The following BBS2 variants were observed in gnomAD, a reference collection of about 807,000 sequenced individuals.
The protein encoded by BBS2 is BBSome complex member BBS2.
BBS2 carries 62 observed loss-of-function variants against 83.0 expected under a neutral mutation model. That is an observed-to-expected ratio of 0.75 (90% CI 0.61 to 0.92). The LOEUF is 0.92. BBS2 is among the 40% of genes least tolerant of loss of function. BBS2 has a pLI of 0.00. For missense variants in BBS2, 784 were observed against 901.0 expected (o/e 0.87, Z 1.66); for synonymous variants, 303 against 326.1 (o/e 0.93, Z 0.76).
At chr16:56,519,650 G>A (rs1166000668) in intron 1 of BBS2, 96 bp downstream of exon 1, 1 of 977,194 alleles carries the variant, frequency 1.0e-6, no homozygotes, top group South Asian at 1.4e-5. Context: ...ACGGGCTGGG[G>A]GCGGGGTCGG....
Position 56,502,417 on chromosome 16 carries a change from T to A in BBS2, c.980A>T (p.Asn327Ile). The change falls in exon 9 of 17, where the codon AAC becomes ATC. Residue 327 changes from asparagine (N) to isoleucine (I), a missense_variant. Physicochemically the swap from Asn to Ile is moderately radical, Grantham distance 149. Coordinates refer to ENST00000245157, the MANE Select transcript of BBS2 (RefSeq NM_031885.5). ...CTGCTCTGCACTGGTGTCCATGAGG[T>A]TGCCCCTCATCTCAGCCGTGCCAGG... ...YLPGTAEMRG[N>I]LMDTSAEQDL... 1 of 1,614,154 alleles carries A rather than the reference T, an allele frequency of 6.2e-7. No homozygotes were observed. The highest frequency in any genetic ancestry group is 8.5e-7 in the Non-Finnish European group (1 of 1,180,026).
In BBS2 at chr16:56,485,672, T is replaced by C; in HGVS notation, c.1977A>G (p.Lys659=). 6.2e-7 allele frequency: 1 copy of C among 1,614,066 alleles called. No homozygotes were observed. The highest frequency in any genetic ancestry group is 2.2e-5 in the East Asian group (1 of 44,878). Residue 659 remains lysine, a synonymous_variant, in exon 16 of 17, where the codon AAA becomes AAG. Coordinates refer to ENST00000245157, the MANE Select transcript of BBS2 (RefSeq NM_031885.5). Reference sequence around the variant, plus strand: ...GCTCTGTGTGATTGTTACAGCGAATTTTATATCCATTTAGCAAGTCTCTAT... The same window carrying C: ...GCTCTGTGTGATTGTTACAGCGAATCTTATATCCATTTAGCAAGTCTCTAT... ...DLNRDLLNGY[K]IRCNNHTELL...
At chr16:56,482,691 A>ATTAAGTGCTCCACTTCCCCTATT (rs1963683041), downstream of BBS2, among the ~76,000 whole-genome samples, 1 of 152,324 alleles carries the variant, frequency 6.6e-6, no homozygotes, top group Admixed American at 6.5e-5. Context: ...CACTTCCCCT[A>ATTAAGTGCTCCACTTCCCCTATT]AACAGCTATT....
At chr16:56,501,684 T>C in intron 9 of BBS2, 187 bp from the exon 10 acceptor site, 2 of 759,774 alleles carry the variant, frequency 2.6e-6, no homozygotes, top group Non-Finnish European at 4.2e-6. Flanking sequence ...TCTGGCCCTG[T>C]GGGAAAATAC....
intron 1 of BBS2, 147 bp downstream of exon 1, chr16:56,519,599 G>C: frequency 1.5e-6 from 1 of 658,834 alleles, no homozygotes; most frequent in Non-Finnish European, 2.7e-6. Context: ...TCCTCTGCAG[G>C]ATGGAGCCAC....
chr16:56,474,115 G>T (rs1199668071), intron 17 of BBS2, among the ~76,000 whole-genome samples: 2 of 151,874 alleles, frequency 1.3e-5, no homozygotes, highest in African/African-American at 4.8e-5. Flanking sequence ...TTTTAATTTT[G>T]TTCAGCATGG....
At chr16:56,473,648 C>A (rs1320359713) in intron 17 of BBS2, among the ~76,000 whole-genome samples, 2 of 151,882 alleles carry the variant, frequency 1.3e-5, no homozygotes, top group Non-Finnish European at 2.9e-5. Context: ...AAATGGCATT[C>A]GCCTATCATT....
intron 12 of BBS2, chr16:56,499,274 CTACTGT>C (rs1286465109): frequency 4.9e-6 from 1 of 203,360 alleles, no homozygotes; most frequent in Non-Finnish European, 1.0e-5. Flanking sequence ...GTACAAGGTG[CTACTGT>C]TACACCAATC....
intron 1 of BBS2, among the ~76,000 whole-genome samples, chr16:56,514,984 T>A (rs1478689965): frequency 8.5e-5 from 13 of 152,208 alleles, no homozygotes; most frequent in Non-Finnish European, 1.8e-4. Context: ...TCTTAGGAGC[T>A]AGCCTTTTCC....
At chr16:56,500,633 A>G (rs1964243028) in intron 11 of BBS2, 13 of 523,458 alleles carry the variant, frequency 2.5e-5, no homozygotes, top group Non-Finnish European at 4.1e-5. Context: ...TCAAAAAAAA[A>G]AAAAAAAAAA....
rs568878573 is a variant in BBS2, at chr16:56,519,912, C to T, written c.-50G>A. On this transcript the variant is annotated 5_prime_UTR_variant, in exon 1 of 17. Coordinates refer to ENST00000245157, the MANE Select transcript of BBS2 (RefSeq NM_031885.5). ...GGCTGGAAGCTGGAGACAAGCGCAG[C>T]GGAGCTGGCCTCACGCGCCCGGGCA... is the stretch of plus-strand genomic sequence containing the variant. 46 of 1,509,142 alleles carry T rather than the reference C, an allele frequency of 3.0e-5. No homozygotes were observed. The South Asian group carries it at 5.2e-4, about 17-fold the overall frequency. The allele number at this position is 1,509,142 out of a possible 1,614,324, so 93.5% of individuals were successfully genotyped here. A position where few individuals can be genotyped will look rare whatever the true frequency, so the allele number is the denominator to read the frequency against.
At chr16:56,504,679 A>G (rs1964376772) in intron 7 of BBS2, among the ~76,000 whole-genome samples, 2 of 152,244 alleles carry the variant, frequency 1.3e-5, no homozygotes, top group South Asian at 4.1e-4. Context: ...ATTTAACTAT[A>G]AAAACATCTA....
At chr16:56,509,198 C>T (rs1472050751) in intron 5 of BBS2, among the ~76,000 whole-genome samples, 1 of 152,156 alleles carries the variant, frequency 6.6e-6, no homozygotes, top group Non-Finnish European at 1.5e-5. Context: ...GCCAAGACTA[C>T]GTACAAGTAA....
At chr16:56,496,708 C>G (rs960630143) in intron 15 of BBS2, among the ~76,000 whole-genome samples, 1 of 152,120 alleles carries the variant, frequency 6.6e-6, no homozygotes, top group Non-Finnish European at 1.5e-5. Context: ...ATAAACAATG[C>G]CTTTACAAAT....
chr16:56,502,839 T>G, intron 7 of BBS2, 31 bp from the exon 8 acceptor site: 1 of 1,613,688 alleles, frequency 6.2e-7, no homozygotes, highest in Non-Finnish European at 8.5e-7. Context: ...TAAAAGTTGC[T>G]TATGCTACAT....
At chr16:56,473,668 T>C (rs1471846712) in intron 17 of BBS2, among the ~76,000 whole-genome samples, 1 of 152,160 alleles carries the variant, frequency 6.6e-6, no homozygotes, top group Non-Finnish European at 1.5e-5. Context: ...TGACTAATGG[T>C]GCGTGGTTGT....
In BBS2 at chr16:56,511,216, A is replaced by C; in HGVS notation, c.414T>G (p.Ile138Met). ...AACCTTGCAGAGCACAATTGCCACC[A>C]ATAATCGCAAGAGGGGAAGAAATGT... ...LGDISSPLAI[I>M]GGNCALQGFN... Residue 138 changes from isoleucine (I) to methionine (M), a missense_variant, in exon 3 of 17, where the codon ATT (isoleucine) becomes ATG (methionine). Coordinates refer to ENST00000245157, the MANE Select transcript of BBS2 (RefSeq NM_031885.5). 6.2e-7 allele frequency: 1 copy of C among 1,614,122 alleles called. No individual in the cohort carries two copies. Among genetic ancestry groups the C allele is most frequent in the South Asian group, 1.1e-5 (1 of 91,078 alleles).
intron 13 of BBS2, 47 bp from the exon 14 acceptor site, chr16:56,497,927 C>T (rs760141536): frequency 1.9e-6 from 3 of 1,587,776 alleles, no homozygotes; most frequent in African/African-American, 1.3e-5. Flanking sequence ...AGATGTTAGA[C>T]AAACTTAGCT....
rs552644555 is a variant in BBS2, at chr16:56,509,849, A to G, written c.612+108T>C. 3.0e-4 allele frequency: 363 copies of G among 1,199,672 alleles called. 2 individuals are homozygous for G. In the African/African-American group the frequency reaches 3.7e-3, roughly 12 times the overall value. 74.3% of individuals were successfully genotyped at this position (1,199,672 alleles called of 1,614,324 possible). A position where few individuals can be genotyped will look rare whatever the true frequency, so the allele number is the denominator to read the frequency against. Reference sequence around the variant, plus strand: ...GACCCCCTCCCCAAGCTTTTATCCTAAAACCACCTGGGTTTGGAGATGCCC... The same window carrying G: ...GACCCCCTCCCCAAGCTTTTATCCTGAAACCACCTGGGTTTGGAGATGCCC... On this transcript the variant is annotated intron_variant, in intron 5 of 16. Coordinates refer to ENST00000245157, the MANE Select transcript of BBS2 (RefSeq NM_031885.5).
Sources: gnomAD v4.1 joint callset for allele counts (sites outside exome capture counted in the v4.1 genomes callset) on GRCh38, gnomAD v4.1.1 for gene constraint, MANE v1.5 for transcripts, NCBI Gene and HGNC (gene_info 2026-07-23, HGNC 2026-07-21) for gene names.